ARL15: variants seen among roughly 807,000 people sequenced by gnomAD.
The protein encoded by ARL15 is ADP-ribosylation factor-like protein 15.
A neutral mutation model predicts 25.2 loss-of-function variants in ARL15; 19 were observed. That is an observed-to-expected ratio of 0.75 (90% CI 0.53 to 1.10). The LOEUF (loss-of-function observed/expected upper bound fraction) is 1.10. ARL15 is among the 50% of genes least tolerant of loss of function. The pLI is 0.00. For synonymous variants in ARL15, 94 were observed against 86.8 expected (o/e 1.08, Z -0.46); for missense variants, 220 against 246.0 (o/e 0.89, Z 0.71).
At chr5:54,067,159 T>C (rs1236420107) in intron 4 of ARL15, 1 of 152,696 alleles carries the variant, frequency 6.5e-6, no homozygotes, top group Non-Finnish European at 1.5e-5. Flanking sequence ...TTTTTCTCAC[T>C]CCTTTGAGCA....
rs191510302 is a variant in ARL15, at chr5:54,130,179, A to G, written c.254-16769T>C. Among the ~76,000 whole-genome samples, 839 of 152,336 alleles carry G rather than the reference A, an allele frequency of 5.5e-3. 6 individuals are homozygous for G. Among genetic ancestry groups the G allele is most frequent in the African/African-American group, 0.019 (804 of 41,580 alleles). On this transcript the variant is annotated intron_variant, in intron 3 of 4. Coordinates refer to ENST00000504924, the MANE Select transcript of ARL15 (RefSeq NM_019087.3). ...CTTGAGCCTGGGAGATGGAGGATGC[A>G]GCGAGCCATGACTGCACCACTGTAC...
At chr5:53,905,996 G>GA (rs1356219563) in intron 4 of ARL15, among the ~76,000 whole-genome samples, 1 of 151,992 alleles carries the variant, frequency 6.6e-6, no homozygotes, top group South Asian at 2.1e-4. Flanking sequence ...ATCTTTCACT[G>GA]AAAAAAAGGA....
chr5:53,926,928 A>T (rs1279296866), intron 4 of ARL15, among the ~76,000 whole-genome samples: 1 of 151,758 alleles, frequency 6.6e-6, no homozygotes, highest in Non-Finnish European at 1.5e-5. Flanking sequence ...TTAAACCTTC[A>T]GTCACCAAGA....
chr5:53,957,019 GA>G (rs971030401), intron 4 of ARL15, among the ~76,000 whole-genome samples: 6 of 146,704 alleles, frequency 4.1e-5, no homozygotes, highest in Non-Finnish European at 1.5e-5. Context: ...AGAAGAGAAA[GA>G]AAAAAAATGA....
At chr5:53,892,115 A>C (rs558424775) in intron 4 of ARL15, among the ~76,000 whole-genome samples, 1 of 152,372 alleles carries the variant, frequency 6.6e-6, no homozygotes, top group South Asian at 2.1e-4. Context: ...GGAAGGCAGA[A>C]AAACAATGGA....
intron 4 of ARL15, among the ~76,000 whole-genome samples, chr5:54,054,489 C>T (rs1010466437): frequency 6.6e-6 from 1 of 152,114 alleles, no homozygotes; most frequent in Admixed American, 6.6e-5. Flanking sequence ...TGTGGATGAG[C>T]TTTAGAGAAA....
At chr5:53,930,801 AG>A (rs1210690567) in intron 4 of ARL15, among the ~76,000 whole-genome samples, 5 of 152,224 alleles carry the variant, frequency 3.3e-5, no homozygotes, top group African/African-American at 1.2e-4. Flanking sequence ...AGGTCGGTAG[AG>A]GGAATTAAGC....
At chr5:54,152,656 G>A (rs963924492) in intron 3 of ARL15, among the ~76,000 whole-genome samples, 5 of 152,170 alleles carry the variant, frequency 3.3e-5, no homozygotes, top group Non-Finnish European at 5.9e-5. Flanking sequence ...AGCCTGGAAC[G>A]AATGTATCTG....
chr5:53,972,848 A>C (rs1042300299), intron 4 of ARL15, among the ~76,000 whole-genome samples: 1 of 152,192 alleles, frequency 6.6e-6, no homozygotes, highest in Admixed American at 6.5e-5. Context: ...AATAAAATCT[A>C]TCTGATGGTC....
chr5:54,162,838 T>C (rs1754446273), intron 2 of ARL15, among the ~76,000 whole-genome samples: 1 of 152,212 alleles, frequency 6.6e-6, no homozygotes, highest in Non-Finnish European at 1.5e-5. Context: ...TTAACAATCA[T>C]GCCATCAGCA....
At chr5:54,198,302 C>A (rs969147194) in intron 1 of ARL15, among the ~76,000 whole-genome samples, 60 of 152,254 alleles carry the variant, frequency 3.9e-4, no homozygotes, top group Non-Finnish European at 5.3e-4. Flanking sequence ...CCGGGGCAAT[C>A]AGGCAGGAGA....
intron 4 of ARL15, among the ~76,000 whole-genome samples, chr5:54,043,461 A>G (rs1750407287): frequency 6.6e-6 from 1 of 152,156 alleles, no homozygotes; most frequent in South Asian, 2.1e-4. Flanking sequence ...CCATGGTAAT[A>G]CTGTCCTTAT....
chr5:53,958,566 T>C (rs952779331), intron 4 of ARL15, among the ~76,000 whole-genome samples: 5 of 152,214 alleles, frequency 3.3e-5, no homozygotes, highest in African/African-American at 1.2e-4. Context: ...AGATTCTTGT[T>C]GGTAGTTACT....
intron 4 of ARL15, among the ~76,000 whole-genome samples, chr5:53,950,272 T>TAA (rs60444317): frequency 1.5e-5 from 2 of 130,522 alleles, no homozygotes; most frequent in African/African-American, 5.5e-5. Context: ...CTACAAAAAT[T>TAA]AAAAAAAAAA....
chr5:53,923,757 C>T (rs1037010378), intron 4 of ARL15, among the ~76,000 whole-genome samples: 2 of 151,992 alleles, frequency 1.3e-5, no homozygotes, highest in Admixed American at 1.3e-4. Flanking sequence ...CCCAGCTACT[C>T]GGGAGGCTGA....
At chr5:54,012,429 T>C (rs913642210) in intron 4 of ARL15, among the ~76,000 whole-genome samples, 8 of 152,210 alleles carry the variant, frequency 5.3e-5, no homozygotes, top group African/African-American at 1.9e-4. Flanking sequence ...TTTAGTTTTG[T>C]CTTGAATGAT....
intron 1 of ARL15, among the ~76,000 whole-genome samples, chr5:54,196,679 T>G (rs1579899351): frequency 6.6e-6 from 1 of 152,288 alleles, no homozygotes; most frequent in Non-Finnish European, 1.5e-5. Flanking sequence ...GGTTGTTATT[T>G]GAGATTTTGG....
At chr5:54,238,098 A>T (rs1393589210) in intron 1 of ARL15, among the ~76,000 whole-genome samples, 1 of 152,192 alleles carries the variant, frequency 6.6e-6, no homozygotes, top group Non-Finnish European at 1.5e-5. Context: ...TTCTTTCCAT[A>T]TCACTAACTC....
At chr5:53,905,092 T>A (rs1745208767) in intron 4 of ARL15, among the ~76,000 whole-genome samples, 1 of 152,204 alleles carries the variant, frequency 6.6e-6, no homozygotes, top group South Asian at 2.1e-4. Flanking sequence ...GAGTGGGCTT[T>A]TAACTACACG....
Sources: allele counts gnomAD v4.1 joint callset (sites outside exome capture counted in the v4.1 genomes callset), GRCh38; gene constraint gnomAD v4.1.1; transcripts MANE v1.5; gene names NCBI Gene and HGNC (gene_info 2026-07-23, HGNC 2026-07-21).